ABCC6: variants seen among roughly 807,000 people sequenced by gnomAD.
ABCC6 encodes the protein ATP-binding cassette sub-family C member 6.
A neutral mutation model predicts 169.5 loss-of-function variants in ABCC6; 126 were observed. That is an observed-to-expected ratio of 0.74 (90% CI 0.64 to 0.86). ABCC6 has a LOEUF of 0.86. Among genes scored for constraint, ABCC6 ranks in the 40% least tolerant of loss-of-function variants. The pLI is 0.00. For synonymous variants in ABCC6, 752 were observed against 814.7 expected (o/e 0.92, Z 1.31); for missense variants, 1,733 against 1,927.2 (o/e 0.90, Z 1.89).
In ABCC6 at chr16:16,182,513, C is replaced by T. The variant is rs750590368; in HGVS notation, c.2146G>A (p.Glu716Lys). 5.6e-6 allele frequency: 9 copies of T among 1,614,196 alleles called. No individual in the cohort carries two copies. The highest frequency in any genetic ancestry group is 1.7e-4 in the Middle Eastern group (1 of 6,058). Reference sequence around the variant, plus strand: ...CTCTCCAGCCAGGGTGGGTCCAGCTCCTGCCCGAAGCACACATTCTCTACC... The same window carrying T: ...CTCTCCAGCCAGGGTGGGTCCAGCTTCTGCCCGAAGCACACATTCTCTACC... Reference protein sequence around the residue: ...SVVENVCFGQELDPPWLERVL... With the variant: ...SVVENVCFGQKLDPPWLERVL... The change falls in exon 17 of 31, where the codon GAG becomes AAG. Residue 716 changes from glutamate (E) to lysine (K), a missense_variant. Physicochemically the swap from Glu to Lys is moderately conservative, Grantham distance 56. Around this residue, in one of 5 missense-constraint regions of ABCC6, gnomAD observed 1,601 missense variants for 1,635.5 expected, o/e 0.98. Transcript: ENST00000205557.
At position 16,154,751 on chromosome 16, in the gene ABCC6, A is replaced by G; in HGVS notation, c.4085T>C (p.Leu1362Pro). The change falls in exon 29 of 31, where the codon CTG (leucine) becomes CCG (proline). Residue 1362 changes from leucine to proline, a missense_variant. Leu to Pro is a moderately conservative substitution (Grantham distance 98). This residue lies in a region of ABCC6 where 1,601 missense variants were observed against 1,635.5 expected (regional missense o/e 0.98). Transcript: ENST00000205557. ...FPGSLRMNLD[L>P]LQEHSDEAIW... Reference sequence around the variant, plus strand: ...AGCCTCGTCCGAGTGCTCCTGCAGCAGGTCGAGGTTCATCCGCAGAGAGCC... The same window carrying G: ...AGCCTCGTCCGAGTGCTCCTGCAGCGGGTCGAGGTTCATCCGCAGAGAGCC... 6.2e-7 allele frequency: 1 copy of G among 1,613,014 alleles called. No individual in the cohort carries two copies. Among genetic ancestry groups the G allele is most frequent in the Non-Finnish European group, 8.5e-7 (1 of 1,179,684 alleles).
intron 17 of ABCC6, 56 bp downstream of exon 17, chr16:16,182,356 C>T: frequency 6.2e-7 from 1 of 1,607,010 alleles, no homozygotes; most frequent in Non-Finnish European, 8.5e-7. Context: ...GTCGGGGACC[C>T]AAATGACTCC....
At position 16,177,589 on chromosome 16, in the gene ABCC6, G is replaced by T. The variant is rs2047320982; in HGVS notation, c.2453C>A (p.Pro818His). ...ILVTHALHIL[P>H]QADWIIVLAN... is the part of the protein sequence containing the mutation. ...CAGCACTATGATCCAATCAGCCTGG[G>T]GCAGGATGTGGAGTGCGTGCGTCAC... is the stretch of plus-strand genomic sequence containing the variant. The change falls in exon 19 of 31, where the codon CCC (proline) becomes CAC (histidine). Residue 818 changes from proline to histidine, a missense_variant. Transcript: ENST00000205557. 1 of 1,614,238 alleles carries T rather than the reference G, an allele frequency of 6.2e-7. No individual in the cohort carries two copies. The highest frequency in any genetic ancestry group is 8.5e-7 in the Non-Finnish European group (1 of 1,180,050).
At chr16:16,155,385 C>T (rs2046519716) in intron 27 of ABCC6, 2 of 354,206 alleles carry the variant, frequency 5.6e-6, no homozygotes, top group Admixed American at 4.4e-5. Context: ...TCCATCCATC[C>T]CTTATCCTTT....
Position 16,150,255 on chromosome 16 carries a change from G to A in ABCC6, c.4404-14C>T, listed in dbSNP as rs758204547. The A allele has an allele frequency of 3.7e-6, 6 of 1,613,844 alleles. No homozygotes were observed. Among genetic ancestry groups the A allele is most frequent in the Non-Finnish European group, 5.1e-6 (6 of 1,179,954 alleles). ...ATGACCAGAACCCTGTGGGGGAGAG[G>A]GAGACAGAGAGGCTCTTTGGACACC... On this transcript the variant is annotated splice_polypyrimidine_tract_variant and intron_variant, in intron 30 of 30. Coordinates refer to ENST00000205557, the MANE Select transcript of ABCC6 (RefSeq NM_001171.6).
intron 7 of ABCC6, among the ~76,000 whole-genome samples, chr16:16,204,743 C>G (rs570105508): frequency 6.6e-6 from 1 of 152,050 alleles, no homozygotes; most frequent in Non-Finnish European, 1.5e-5. Flanking sequence ...GCTCCTCTCT[C>G]TGTGTGTGAG....
chr16:16,221,747 G>T lies in ABCC6; in HGVS notation c.121C>A (p.Pro41Thr), dbSNP rs753761990. 1.4e-5 allele frequency: 22 copies of T among 1,613,654 alleles called. No homozygotes were observed. The Admixed American group carries it at 2.0e-4, about 15-fold the overall frequency. The change falls in exon 2 of 31, where the codon CCC becomes ACC. Residue 41 changes from proline to threonine, a missense_variant. Transcript: ENST00000205557. ...FLRTAGVWVP[P>T]MYLWVLGPIY... ...GGACCAAGGACCCAGAGGTACATGG[G>T]GGGTACCCAGACCCCTGCTGTTCTC...
rs72650697 is a variant in ABCC6, at chr16:16,208,798, C to G, written c.724G>C (p.Glu242Gln). 6.2e-7 allele frequency: 1 copy of G among 1,613,504 alleles called. No homozygotes were observed. The highest frequency in any genetic ancestry group is 2.2e-5 in the East Asian group (1 of 44,860). ...RPKDLWSLGR[E>Q]NSSEELVSRL... is the part of the protein sequence containing the mutation. ...GAAACAAGTTCTTCTGAGGAGTTTT[C>G]TCTCCCAAGCGACCAGAGGTCTTTT... The change falls in exon 7 of 31, where the codon GAA becomes CAA. Residue 242 changes from glutamate (E) to glutamine (Q), a missense_variant. Glu to Gln is a conservative substitution (Grantham distance 29). This residue lies in a region of ABCC6 where 1,601 missense variants were observed against 1,635.5 expected (regional missense o/e 0.98). Coordinates refer to ENST00000205557, the MANE Select transcript of ABCC6 (RefSeq NM_001171.6).
At chr16:16,168,603 C>T (rs1412933489) in intron 22 of ABCC6, among the ~76,000 whole-genome samples, 8 of 151,854 alleles carry the variant, frequency 5.3e-5, no homozygotes, top group Non-Finnish European at 7.4e-5. Context: ...ACAGGGTGGG[C>T]GAGGCAGGAG....
Position 16,169,682 on chromosome 16 carries a change from G to A in ABCC6, c.2959C>T (p.Arg987Cys), listed in dbSNP as rs761565275. 40 of 1,611,234 alleles carry A rather than the reference G, an allele frequency of 2.5e-5. No homozygotes were observed. Among genetic ancestry groups the A allele is most frequent in the Admixed American group, 1.7e-4 (10 of 59,950 alleles). The change falls in exon 22 of 31, where the codon CGT becomes TGT. Residue 987 changes from arginine (R) to cysteine (C), a missense_variant. Arg to Cys is a radical substitution (Grantham distance 180). Around this residue, in one of 5 missense-constraint regions of ABCC6, gnomAD observed 1,601 missense variants for 1,635.5 expected, o/e 0.98. Transcript: ENST00000205557. ...CCGAGGAGCCCGAAGATCCCGCCAC[G>A]CAGGGCTGCCTGCGTCTGCTGCCCA... ...VGGQQTQAAL[R>C]GGIFGLLGCL...
At chr16:16,220,080 C>G in intron 2 of ABCC6, 133 bp from the exon 3 acceptor site, 1 of 776,630 alleles carries the variant, frequency 1.3e-6, no homozygotes, top group East Asian at 2.7e-5. Context: ...GGGTCACCAG[C>G]TAGCAACGTG....
rs771581942 is a variant in ABCC6, at chr16:16,154,741, C to G, written c.4095G>C (p.Glu1365Asp). 1 of 1,613,250 alleles carries G rather than the reference C, an allele frequency of 6.2e-7. No individual in the cohort carries two copies. The highest frequency in any genetic ancestry group is 8.5e-7 in the Non-Finnish European group (1 of 1,179,764). The change falls in exon 29 of 31, where the codon GAG (glutamate) becomes GAC (aspartate). Residue 1365 changes from glutamate (E) to aspartate (D), a missense_variant. Glu to Asp is a conservative substitution (Grantham distance 45). This residue lies in a region of ABCC6 where 1,601 missense variants were observed against 1,635.5 expected (regional missense o/e 0.98). Transcript: ENST00000205557. ...CTGCCCAGATAGCCTCGTCCGAGTGCTCCTGCAGCAGGTCGAGGTTCATCC... is the reference window on the plus strand; with the variant it reads ...CTGCCCAGATAGCCTCGTCCGAGTGGTCCTGCAGCAGGTCGAGGTTCATCC... ...SLRMNLDLLQ[E>D]HSDEAIWAAL... is the part of the protein sequence containing the mutation.
Position 16,184,909 on chromosome 16 carries a change from A to G in ABCC6, c.1943+50T>C. On this transcript the variant is annotated intron_variant, in intron 15 of 30. Transcript: ENST00000205557. ...GTGGGAGGCAGCAGGAGCCCCATGC[A>G]TCTTCTCCCTAAAAACATGAGGCTG... 1.9e-6 allele frequency: 3 copies of G among 1,562,366 alleles called. No individual in the cohort carries two copies. The South Asian group carries it at 3.3e-5, about 17-fold the overall frequency.
intron 8 of ABCC6, among the ~76,000 whole-genome samples, chr16:16,202,716 T>G (rs1175723648): frequency 6.6e-6 from 1 of 152,200 alleles, no homozygotes; most frequent in Non-Finnish European, 1.5e-5. Context: ...TTGCAGATAC[T>G]AATCTCGAAC....
At chr16:16,184,396 C>T (rs1020798440) in intron 15 of ABCC6, among the ~76,000 whole-genome samples, 1 of 151,960 alleles carries the variant, frequency 6.6e-6, no homozygotes, top group Non-Finnish European at 1.5e-5. Flanking sequence ...CTGTTTCCTT[C>T]GCCCTATCCC....
chr16:16,163,778 T>A (rs147219306), intron 23 of ABCC6, among the ~76,000 whole-genome samples: 3 of 152,278 alleles, frequency 2.0e-5, no homozygotes, highest in Non-Finnish European at 4.4e-5. Flanking sequence ...AACACCCAAC[T>A]GTATGTGCCA....
intron 14 of ABCC6, among the ~76,000 whole-genome samples, chr16:16,186,802 G>A (rs764381494): frequency 2.0e-5 from 3 of 151,848 alleles, no homozygotes; most frequent in African/African-American, 7.3e-5. Flanking sequence ...GCCTCTCCCC[G>A]GTCCGTGGGA....
Position 16,173,370 on chromosome 16 carries a change from TGGTAC to T in ABCC6, c.2696_2700del (p.Arg899HisfsTer12). ...GGAACCTCTGTCTGGGCTTCTGAAG[TGGTAC>T]GGTCCTTCTCAGGGACTGACTTGAT... On this transcript the variant is annotated frameshift_variant, in exon 21 of 31. Coordinates refer to ENST00000205557, the MANE Select transcript of ABCC6 (RefSeq NM_001171.6). LOFTEE classifies it high-confidence loss of function. 1 of 1,614,086 alleles carries T rather than the reference TGGTAC, an allele frequency of 6.2e-7. No homozygotes were observed. Among genetic ancestry groups the T allele is most frequent in the South Asian group, 1.1e-5 (1 of 91,078 alleles).
At position 16,221,896 on chromosome 16, in the gene ABCC6, G is replaced by A; in HGVS notation, c.37-65C>T. ...CAGGGGTCCCCAGCTCACCTGCCCA[G>A]GGGGCCAGGCAACTTTTTGGATCTT... On this transcript the variant is annotated intron_variant, in intron 1 of 30. Transcript: ENST00000205557. 1.9e-6 allele frequency: 3 copies of A among 1,611,702 alleles called. No individual in the cohort carries two copies. The Admixed American group carries it at 5.0e-5, about 27-fold the overall frequency.
Sources: gnomAD v4.1 joint callset for allele counts (sites outside exome capture counted in the v4.1 genomes callset) on GRCh38, gnomAD v4.1.1 for gene constraint, gnomAD v4.1.1 regional missense constraint, MANE v1.5 for transcripts, NCBI Gene and HGNC (gene_info 2026-07-23, HGNC 2026-07-21) for gene names.